The following SYCP2L variants were observed in gnomAD, a reference collection of about 807,000 sequenced individuals.
SYCP2L encodes synaptonemal complex protein 2-like.
A neutral mutation model predicts 125.8 loss-of-function variants in SYCP2L; 98 were observed. The observed-to-expected ratio is 0.78, with a 90% confidence interval of 0.66 to 0.92. The LOEUF is 0.92. Among genes scored for constraint, SYCP2L ranks in the 40% least tolerant of loss-of-function variants. The pLI is 0.00. For synonymous variants in SYCP2L, 317 were observed against 325.4 expected (o/e 0.97, Z 0.28); for missense variants, 842 against 936.4 (o/e 0.90, Z 1.32).
intron 19 of SYCP2L, 38 bp from the exon 20 acceptor site, chr6:10,931,402 T>TA: frequency 6.2e-7 from 1 of 1,609,706 alleles, no homozygotes; most frequent in Non-Finnish European, 8.5e-7. Flanking sequence ...CCTCATGAGT[T>TA]AATGTATATG....
At chr6:10,946,013 T>C (rs953332237) in intron 23 of SYCP2L, among the ~76,000 whole-genome samples, 3 of 152,128 alleles carry the variant, frequency 2.0e-5, no homozygotes, top group Non-Finnish European at 4.4e-5. Context: ...ATATATAACT[T>C]GTAAACAGCC....
chr6:10,933,616 G>T (rs992046957), intron 20 of SYCP2L, among the ~76,000 whole-genome samples: 1 of 152,140 alleles, frequency 6.6e-6, no homozygotes, highest in Admixed American at 6.5e-5. Context: ...ATGACTTCAC[G>T]TTCTTCCAAT....
chr6:10,918,026 G>T (rs2761595), intron 14 of SYCP2L, among the ~76,000 whole-genome samples: 1 of 151,698 alleles, frequency 6.6e-6, no homozygotes, highest in African/African-American at 2.4e-5. Context: ...TGTTAATCTG[G>T]TAGGTTTCCT....
chr6:10,918,549 T>C (rs1780729358), intron 14 of SYCP2L, among the ~76,000 whole-genome samples: 1 of 152,000 alleles, frequency 6.6e-6, no homozygotes, highest in South Asian at 2.1e-4. Flanking sequence ...TTTTCTTTTC[T>C]TTTTTTGAGA....
chr6:10,960,213 TG>T (rs1561702034), intron 26 of SYCP2L, among the ~76,000 whole-genome samples: 1 of 152,218 alleles, frequency 6.6e-6, no homozygotes, highest in Admixed American at 6.5e-5. Context: ...TTTGCTTAAC[TG>T]AGACAGAAAT....
In SYCP2L at chr6:10,931,537, C is replaced by T. The variant is rs1461908990; in HGVS notation, c.1683+48C>T. 12 of 1,541,158 alleles carry T rather than the reference C, an allele frequency of 7.8e-6. No individual in the cohort carries two copies. The South Asian group carries it at 8.1e-5, about 10-fold the overall frequency. ...GCTGTGTGCCCTGTGAGTTAAACTG[C>T]ATTTATTTCTCCAAAAACAACTTTC... On this transcript the variant is annotated intron_variant, in intron 20 of 29. Coordinates refer to ENST00000283141, the MANE Select transcript of SYCP2L (RefSeq NM_001040274.3).
At chr6:10,948,332 C>T (rs1047339461) in intron 23 of SYCP2L, among the ~76,000 whole-genome samples, 4 of 152,092 alleles carry the variant, frequency 2.6e-5, no homozygotes, top group African/African-American at 9.7e-5. Flanking sequence ...TTTTGACCAA[C>T]GTCTCCCGGT....
intron 18 of SYCP2L, among the ~76,000 whole-genome samples, chr6:10,929,460 T>G (rs971554417): frequency 1.3e-4 from 20 of 152,096 alleles, no homozygotes; most frequent in African/African-American, 4.8e-4. Flanking sequence ...CATATTAAAA[T>G]CAAGCACAAA....
At chr6:10,920,383 A>G (rs189433384) in intron 14 of SYCP2L, among the ~76,000 whole-genome samples, 178 of 152,062 alleles carry the variant, frequency 1.2e-3, no homozygotes, top group South Asian at 1.9e-3. Flanking sequence ...ATACCCAGCT[A>G]ATTTTTGTAT....
intron 24 of SYCP2L, 32 bp from the exon 25 acceptor site, chr6:10,956,104 G>T: frequency 6.4e-7 from 1 of 1,551,918 alleles, no homozygotes. Context: ...CACTTTGTTA[G>T]TTTTATTCCA....
intron 12 of SYCP2L, 70 bp downstream of exon 12, chr6:10,910,939 A>T (rs1022031721): frequency 6.4e-7 from 1 of 1,552,996 alleles, no homozygotes; most frequent in Non-Finnish European, 8.9e-7. Flanking sequence ...TTACGTGGTT[A>T]GATCAAACTT....
rs546484219 is a variant in SYCP2L at position 10,953,858 on chromosome 6, T to C, written c.1955-1258T>C. 7.9e-5 allele frequency among the ~76,000 whole-genome samples: 12 copies of C among 152,170 alleles called. No individual in the cohort carries two copies. In the South Asian group the frequency reaches 1.7e-3, roughly 21 times the overall value. Reference sequence around the variant, plus strand: ...GAGTGTGAAGAGTTGGGAGGCTACATTGAAATTTAAGGTTAGATGGATGGA... The same window carrying C: ...GAGTGTGAAGAGTTGGGAGGCTACACTGAAATTTAAGGTTAGATGGATGGA... On this transcript the variant is annotated intron_variant, in intron 23 of 29. Coordinates refer to ENST00000283141, the MANE Select transcript of SYCP2L (RefSeq NM_001040274.3).
At chr6:10,936,054 A>G (rs866362416) in intron 21 of SYCP2L, among the ~76,000 whole-genome samples, 1 of 152,134 alleles carries the variant, frequency 6.6e-6, no homozygotes, top group South Asian at 2.1e-4. Flanking sequence ...ATTAATAACA[A>G]TATTAATATT....
At chr6:10,906,282 CG>C (rs904371327) in intron 9 of SYCP2L, among the ~76,000 whole-genome samples, 4 of 151,816 alleles carry the variant, frequency 2.6e-5, no homozygotes, top group Admixed American at 2.6e-4. Context: ...AGCATTTTAC[CG>C]CATTAGCTTC....
chr6:10,930,276 T>C lies in SYCP2L; in HGVS notation c.1489-94T>C, dbSNP rs1780967501. On this transcript the variant is annotated intron_variant, in intron 18 of 29. Coordinates refer to ENST00000283141, the MANE Select transcript of SYCP2L (RefSeq NM_001040274.3). ...AGAGCCCAGTCTTCTAGAAGGGTAC[T>C]TCTCTTATCTCTAGCTTTGTAGAAT... 3.0e-6 allele frequency: 4 copies of C among 1,338,444 alleles called. No individual in the cohort carries two copies. In the African/African-American group the frequency reaches 4.4e-5, roughly 15 times the overall value. The allele number at this position is 1,338,444 out of a possible 1,614,324, so 82.9% of individuals were successfully genotyped here. A position where few individuals can be genotyped will look rare whatever the true frequency, so the allele number is the denominator to read the frequency against.
At chr6:10,906,836 T>C (rs1209446389) in intron 9 of SYCP2L, among the ~76,000 whole-genome samples, 1 of 151,838 alleles carries the variant, frequency 6.6e-6, no homozygotes, top group Non-Finnish European at 1.5e-5. Context: ...TGACCTCCGG[T>C]GATCCTCCTG....
chr6:10,910,458 C>A (rs56395835), intron 11 of SYCP2L, among the ~76,000 whole-genome samples: 1 of 152,148 alleles, frequency 6.6e-6, no homozygotes, highest in Non-Finnish European at 1.5e-5. Flanking sequence ...ATAATACATT[C>A]TTTAAAGAGT....
chr6:10,891,659 G>A (rs12523744), intron 2 of SYCP2L, 78 bp downstream of exon 2: 269,496 of 686,322 alleles, frequency 0.39, 57,822 homozygotes, highest in Non-Finnish European at 0.43. Flanking sequence ...GTGTGTGTGT[G>A]TGTGTATGTG....
chr6:10,906,717 C>G (rs1432316274), intron 9 of SYCP2L, among the ~76,000 whole-genome samples: 2 of 151,894 alleles, frequency 1.3e-5, no homozygotes, highest in African/African-American at 4.8e-5. Context: ...CCTGCCTCAG[C>G]CTCCCGAGTA....
Sources: gnomAD v4.1 joint callset for allele counts (sites outside exome capture counted in the v4.1 genomes callset) on GRCh38, gnomAD v4.1.1 for gene constraint, MANE v1.5 for transcripts, NCBI Gene and HGNC (gene_info 2026-07-23, HGNC 2026-07-21) for gene names.